The following DISC1 variants were observed in gnomAD, a reference collection of about 807,000 sequenced individuals.
DISC1 encodes the protein disrupted in schizophrenia 1 protein.
In DISC1, 57 loss-of-function variants were observed where a neutral mutation model predicts 84.5. That is an observed-to-expected ratio of 0.67 (90% CI 0.55 to 0.84). DISC1 has a LOEUF of 0.84. Among genes scored for constraint, DISC1 ranks in the 40% least tolerant of loss-of-function variants. The pLI, the probability that DISC1 is intolerant of heterozygous loss-of-function variation, is 0.00. For missense variants in DISC1, 1,000 were observed against 1,057.8 expected, an observed-to-expected ratio of 0.95 and a Z score of 0.76; for synonymous variants, 411 against 415.2, an observed-to-expected ratio of 0.99 and a Z score of 0.12.
At chr1:231,996,014 CTTT>C in intron 10 of DISC1, among the ~76,000 whole-genome samples, 1 of 152,288 alleles carries the variant, frequency 6.6e-6, no homozygotes, top group Middle Eastern at 3.4e-3. Context: ...TTTTCCCTGA[CTTT>C]TTAATGATTG....
At chr1:231,983,419 C>T (rs370444384) in intron 10 of DISC1, among the ~76,000 whole-genome samples, 66 of 149,732 alleles carry the variant, frequency 4.4e-4, no homozygotes, top group African/African-American at 1.4e-3. Context: ...GAGGAAACAA[C>T]GCGTGCTTCA....
chr1:231,930,347 C>A (rs1171890538), intron 9 of DISC1, among the ~76,000 whole-genome samples: 1 of 152,092 alleles, frequency 6.6e-6, no homozygotes, highest in Non-Finnish European at 1.5e-5. Context: ...TTCTTTTCAC[C>A]CTAACATTTC....
chr1:231,669,682 A>G (rs139992416), intron 1 of DISC1, among the ~76,000 whole-genome samples: 1 of 152,122 alleles, frequency 6.6e-6, no homozygotes, highest in Non-Finnish European at 1.5e-5. Context: ...GATACCATCT[A>G]ACACCAGTCA....
chr1:231,808,097 G>A (rs1212101738), intron 8 of DISC1, among the ~76,000 whole-genome samples: 1 of 152,160 alleles, frequency 6.6e-6, no homozygotes, highest in East Asian at 1.9e-4. Context: ...TCAAACTTGG[G>A]TTTTTCACTC....
chr1:231,881,302 G>A (rs1025799280), intron 9 of DISC1, among the ~76,000 whole-genome samples: 2 of 152,150 alleles, frequency 1.3e-5, no homozygotes, highest in Non-Finnish European at 2.9e-5. Context: ...TTGCACTGTC[G>A]TGGAGGTTAG....
chr1:231,986,699 G>C (rs1227234882), intron 10 of DISC1, among the ~76,000 whole-genome samples: 1 of 152,218 alleles, frequency 6.6e-6, no homozygotes, highest in South Asian at 2.1e-4. Context: ...TTCACATTTA[G>C]AGTCAAAGGA....
intron 1 of DISC1, among the ~76,000 whole-genome samples, chr1:231,641,581 AGAG>A (rs2059683525): frequency 6.6e-6 from 1 of 152,204 alleles, no homozygotes; most frequent in Non-Finnish European, 1.5e-5. Flanking sequence ...AAGGGACCGG[AGAG>A]GGTTGCCGCT....
At chr1:231,868,466 A>G (rs928168230) in intron 9 of DISC1, among the ~76,000 whole-genome samples, 1 of 151,992 alleles carries the variant, frequency 6.6e-6, no homozygotes, top group Non-Finnish European at 1.5e-5. Context: ...TTAACTATGC[A>G]TCCTCAAAAC....
intron 3 of DISC1, chr1:231,723,905 G>A (rs908736756): frequency 2.0e-6 from 2 of 985,312 alleles, no homozygotes; most frequent in African/African-American, 1.7e-5. Flanking sequence ...CAGTGCCGAT[G>A]TCTGGACAAT....
intron 10 of DISC1, among the ~76,000 whole-genome samples, chr1:232,006,552 A>G (rs1667467595): frequency 6.6e-6 from 1 of 152,194 alleles, no homozygotes. Context: ...CTAAGCAGCA[A>G]AGCATTCAAG....
intron 9 of DISC1, among the ~76,000 whole-genome samples, chr1:231,900,188 C>T (rs143220310): frequency 7.2e-5 from 11 of 152,302 alleles, no homozygotes; most frequent in African/African-American, 2.6e-4. Context: ...CCTTGCCCCG[C>T]AACAGGAGAT....
chr1:231,862,304 C>A (rs561013549), intron 9 of DISC1, among the ~76,000 whole-genome samples: 1 of 152,306 alleles, frequency 6.6e-6, no homozygotes, highest in Admixed American at 6.5e-5. Context: ...CTGAGCTGAG[C>A]ATTCTTGGTG....
chr1:231,923,201 C>T (rs1177289937), intron 9 of DISC1, among the ~76,000 whole-genome samples: 1 of 151,208 alleles, frequency 6.6e-6, no homozygotes, highest in Non-Finnish European at 1.5e-5. Flanking sequence ...GCAGGAGAAT[C>T]GTTTGAACTG....
intron 9 of DISC1, among the ~76,000 whole-genome samples, chr1:231,889,235 T>C (rs2087020423): frequency 6.6e-6 from 1 of 152,120 alleles, no homozygotes; most frequent in Non-Finnish European, 1.5e-5. Flanking sequence ...TGTCCCCATA[T>C]CCAGATGGAA....
chr1:232,002,155 GA>G (rs1379492500), intron 10 of DISC1, among the ~76,000 whole-genome samples: 5 of 151,962 alleles, frequency 3.3e-5, no homozygotes, highest in Non-Finnish European at 5.9e-5. Context: ...GAGGGTAATG[GA>G]AATTGAAGCT....
Position 231,793,582 on chromosome 1 carries a change from G to A in DISC1, c.1635-1660G>A, listed in dbSNP as rs1038622072. 3.3e-5 allele frequency among the ~76,000 whole-genome samples: 5 copies of A among 152,226 alleles called. No homozygotes were observed. In the South Asian group the frequency reaches 8.3e-4, roughly 25 times the overall value. On this transcript the variant is annotated intron_variant, in intron 6 of 12. Coordinates refer to ENST00000439617, the MANE Select transcript of DISC1 (RefSeq NM_018662.3). ...CTGCGGGGCCCATGGACCCCATGACGGGCTTACACTGCTGAAGAGGCCTGT... is the reference window on the plus strand; with the variant it reads ...CTGCGGGGCCCATGGACCCCATGACAGGCTTACACTGCTGAAGAGGCCTGT...
rs371745665 is a variant in DISC1 at position 232,024,063 on chromosome 1, G to A, written c.2308-2372G>A. ...TATATATGTATATATGTGTATGTGTGTATATATATATATATTTATCTGTGA... is the reference window on the plus strand; with the variant it reads ...TATATATGTATATATGTGTATGTGTATATATATATATATATTTATCTGTGA... On this transcript the variant is annotated intron_variant, in intron 11 of 12. Transcript: ENST00000439617. Among the ~76,000 whole-genome samples, 18 of 148,892 alleles carry A rather than the reference G, an allele frequency of 1.2e-4. No individual in the cohort carries two copies. The East Asian group carries it at 1.8e-3, about 15-fold the overall frequency.
At chr1:231,816,365 C>T (rs1047933583) in intron 8 of DISC1, among the ~76,000 whole-genome samples, 13 of 152,138 alleles carry the variant, frequency 8.5e-5, no homozygotes, top group Non-Finnish European at 1.3e-4. Context: ...TGATTTTCTC[C>T]AAGTCTGTGA....
intron 9 of DISC1, among the ~76,000 whole-genome samples, chr1:231,902,660 A>G (rs539261321): frequency 6.6e-6 from 1 of 152,256 alleles, no homozygotes; most frequent in African/African-American, 2.4e-5. Flanking sequence ...AATTACTACA[A>G]AGAGAAATGT....
Sources: gnomAD v4.1 joint callset for allele counts (sites outside exome capture counted in the v4.1 genomes callset) on GRCh38, gnomAD v4.1.1 for gene constraint, MANE v1.5 for transcripts, NCBI Gene and HGNC (gene_info 2026-07-23, HGNC 2026-07-21) for gene names.